The following RAPGEF1 variants were observed in gnomAD, a reference collection of about 807,000 sequenced individuals.
RAPGEF1 encodes the protein Rap guanine nucleotide exchange factor 1, also known as CRK SH3-binding GNRP.
A neutral mutation model predicts 143.3 loss-of-function variants in RAPGEF1; 33 were observed. The observed-to-expected ratio is 0.23, with a 90% CI of 0.17 to 0.31. The LOEUF is 0.31. Among genes scored for constraint, RAPGEF1 ranks in the 10% least tolerant of loss-of-function variants. The pLI, the probability that RAPGEF1 is intolerant of heterozygous loss-of-function variation, is 1.00. For missense variants in RAPGEF1, 1,199 were observed against 1,645.4 expected (o/e 0.73, Z 4.69); for synonymous variants, 629 against 676.5 (o/e 0.93, Z 1.09).
At chr9:131,701,762 A>G (rs7855207) in intron 1 of RAPGEF1, among the ~76,000 whole-genome samples, 14,278 of 152,260 alleles carry the variant, frequency 0.094, 781 homozygotes, top group Middle Eastern at 0.27. Context: ...ACACAAAGCC[A>G]CACTCTAGCT....
At chr9:131,672,803 G>A (rs1171575512) in intron 1 of RAPGEF1, among the ~76,000 whole-genome samples, 10 of 152,148 alleles carry the variant, frequency 6.6e-5, no homozygotes, top group South Asian at 2.1e-4. Flanking sequence ...GAAAAGGTCC[G>A]TGTAGGGTAA....
intron 12 of RAPGEF1, among the ~76,000 whole-genome samples, chr9:131,614,789 A>G (rs1958650605): frequency 6.6e-6 from 1 of 152,210 alleles, no homozygotes. Flanking sequence ...TTTTAAAAAA[A>G]TTAAAGTCCT....
rs543052065 is a variant in RAPGEF1, at chr9:131,641,730, A to C, written c.494+1509T>G. 3.3e-5 allele frequency among the ~76,000 whole-genome samples: 5 copies of C among 152,334 alleles called. No individual in the cohort carries two copies. Among genetic ancestry groups the C allele is most frequent in the African/African-American group, 9.6e-5 (4 of 41,590 alleles). ...AGGAGCCCAGCACCGAACACTTCTAAGAGCCGGAGCTGGACTGACTCTGGG... is the reference window on the plus strand; with the variant it reads ...AGGAGCCCAGCACCGAACACTTCTACGAGCCGGAGCTGGACTGACTCTGGG... On this transcript the variant is annotated intron_variant, in intron 4 of 26. Transcript: ENST00000683357. This position sits in a 1 kb window ranked among gnomAD's most constrained non-coding sequence, Gnocchi z 4.6.
At chr9:131,676,444 T>C (rs1832372549) in intron 1 of RAPGEF1, among the ~76,000 whole-genome samples, 1 of 152,104 alleles carries the variant, frequency 6.6e-6, no homozygotes, top group Non-Finnish European at 1.5e-5. Context: ...GGCAAGAAAA[T>C]CTGGGGACAC....
chr9:131,703,191 G>C (rs963082640), intron 1 of RAPGEF1, among the ~76,000 whole-genome samples: 1 of 152,006 alleles, frequency 6.6e-6, no homozygotes, highest in Non-Finnish European at 1.5e-5. Context: ...TTGTAGACAG[G>C]GTCTCACTGT....
chr9:131,586,855 C>T (rs1162787204), intron 22 of RAPGEF1, among the ~76,000 whole-genome samples: 1 of 127,324 alleles, frequency 7.9e-6, no homozygotes, highest in Non-Finnish European at 1.7e-5. Context: ...CACACACACA[C>T]ACACACACAC....
At chr9:131,660,056 G>A (rs1161588582) in intron 1 of RAPGEF1, among the ~76,000 whole-genome samples, 1 of 152,166 alleles carries the variant, frequency 6.6e-6, no homozygotes, top group Non-Finnish European at 1.5e-5. Flanking sequence ...CTGACTCCGT[G>A]ATCCGCCCGC....
At chr9:131,616,388 G>A (rs1280961742) in intron 12 of RAPGEF1, among the ~76,000 whole-genome samples, 1 of 152,182 alleles carries the variant, frequency 6.6e-6, no homozygotes, top group African/African-American at 2.4e-5. Context: ...CTGCTGACCC[G>A]TGGCCCTGCT....
rs968966659 is a variant in RAPGEF1, at chr9:131,578,418, T to C, written c.*1079A>G. ...TGCCTCCCTGCACCCTGAGGGACCA[T>C]TCGGGTGCCTCAGGGATGCCCTTCC... On this transcript the variant is annotated 3_prime_UTR_variant, in exon 27 of 27. Transcript: ENST00000683357. 3 of 152,350 alleles carry C rather than the reference T, an allele frequency of 2.0e-5. No individual in the cohort carries two copies. The highest frequency in any genetic ancestry group is 1.9e-4 in the East Asian group (1 of 5,204). The allele number at this position is 152,350 out of a possible 1,614,324, so 9.4% of individuals were successfully genotyped here. A position where few individuals can be genotyped will look rare whatever the true frequency, so the allele number is the denominator to read the frequency against.
At chr9:131,680,194 TG>T (rs1250605052) in intron 1 of RAPGEF1, among the ~76,000 whole-genome samples, 1 of 152,234 alleles carries the variant, frequency 6.6e-6, no homozygotes, top group Non-Finnish European at 1.5e-5. Flanking sequence ...TTAGTTATAT[TG>T]GGGTTCAATA....
intron 1 of RAPGEF1, among the ~76,000 whole-genome samples, chr9:131,660,439 A>AAT (rs1973720889): frequency 1.8e-5 from 1 of 54,772 alleles, no homozygotes. Flanking sequence ...ATATTTTTTC[A>AAT]CTTTTTTTTT....
chr9:131,702,233 C>T (rs2131128052), intron 1 of RAPGEF1, among the ~76,000 whole-genome samples: 1 of 152,306 alleles, frequency 6.6e-6, no homozygotes, highest in East Asian at 1.9e-4. Context: ...CTTCTGGGCT[C>T]ACTCTGTCTC....
intron 1 of RAPGEF1, among the ~76,000 whole-genome samples, chr9:131,684,742 G>T (rs957677755): frequency 6.6e-6 from 1 of 152,210 alleles, no homozygotes; most frequent in African/African-American, 2.4e-5. Context: ...TGGAGTAGAG[G>T]TTATGCTTGT....
intron 1 of RAPGEF1, among the ~76,000 whole-genome samples, chr9:131,661,313 A>G (rs1275918207): frequency 2.0e-5 from 3 of 152,252 alleles, no homozygotes; most frequent in African/African-American, 7.2e-5. Flanking sequence ...ACGAGTGTAG[A>G]GAGAAGCCAG....
In RAPGEF1 at chr9:131,626,217, C is replaced by G; in HGVS notation, c.1407G>C (p.Thr469=). 1 of 1,613,794 alleles carries G rather than the reference C, an allele frequency of 6.2e-7. No individual in the cohort carries two copies. Residue 469 remains threonine, a synonymous_variant, in exon 10 of 27, where the codon ACG becomes ACC. Coordinates refer to ENST00000683357, the MANE Select transcript of RAPGEF1 (RefSeq NM_001377935.1). Reference sequence around the variant, plus strand: ...GCTTCTTCTCGGGGAGAGCAGGTGGCGTATCTGTCTGCTGCCCTGGGGCCA... The same window carrying G: ...GCTTCTTCTCGGGGAGAGCAGGTGGGGTATCTGTCTGCTGCCCTGGGGCCA... ...GPLAPGQQTD[T]PPALPEKKRR...
intron 1 of RAPGEF1, among the ~76,000 whole-genome samples, chr9:131,712,934 C>G (rs1487551893): frequency 6.6e-6 from 1 of 152,146 alleles, no homozygotes; most frequent in Non-Finnish European, 1.5e-5. Flanking sequence ...CAGAAAGCGT[C>G]TTTTACAGTC....
intron 12 of RAPGEF1, among the ~76,000 whole-genome samples, chr9:131,614,372 T>TC (rs1958558039): frequency 6.6e-6 from 1 of 152,242 alleles, no homozygotes; most frequent in Non-Finnish European, 1.5e-5. Context: ...TCCACTTCCC[T>TC]CCCATGGGCC....
At chr9:131,657,840 G>T (rs1307637399) in intron 1 of RAPGEF1, among the ~76,000 whole-genome samples, 1 of 152,204 alleles carries the variant, frequency 6.6e-6, no homozygotes, top group African/African-American at 2.4e-5. Flanking sequence ...TACTTTTCAG[G>T]ATAGTTTATA....
At chr9:131,659,020 T>C (rs1057180031) in intron 1 of RAPGEF1, among the ~76,000 whole-genome samples, 1 of 152,210 alleles carries the variant, frequency 6.6e-6, no homozygotes, top group Non-Finnish European at 1.5e-5. Context: ...TGGACAACTT[T>C]GAGGCAGCCA....
Sources: allele counts gnomAD v4.1 joint callset (sites outside exome capture counted in the v4.1 genomes callset), GRCh38; gene constraint gnomAD v4.1.1; non-coding constraint Gnocchi (gnomAD v3.1); transcripts MANE v1.5; gene names NCBI Gene and HGNC (gene_info 2026-07-23, HGNC 2026-07-21).